The following ARMC9 variants were observed in gnomAD, a reference collection of about 807,000 sequenced individuals.
ARMC9 encodes the protein lisH domain-containing protein ARMC9.
Under a neutral mutation model 107.0 loss-of-function variants are expected in ARMC9, and 94 were observed. The observed-to-expected ratio is 0.88, with a 90% CI of 0.74 to 1.04. The LOEUF is 1.04. Ranked by LOEUF, ARMC9 falls within the 50% of genes least tolerant of loss-of-function variation. The pLI is 0.00. For synonymous variants in ARMC9, 380 were observed against 396.9 expected (o/e 0.96, Z 0.51); for missense variants, 942 against 1,030.1 (o/e 0.91, Z 1.17).
In ARMC9 at chr2:231,232,128, C is replaced by T. The variant is rs190058254; in HGVS notation, c.623-3096C>T. 6.1e-3 allele frequency among the ~76,000 whole-genome samples: 914 copies of T among 149,480 alleles called. 18 individuals carry two copies. The highest frequency in any genetic ancestry group is 0.022 in the African/African-American group (876 of 40,530). ...ACAACCTCCACCTCCCTGGTTCAAG[C>T]GATTCTGCTGCCTCAGCCTCCTGAG... On this transcript the variant is annotated intron_variant, in intron 7 of 24. Transcript: ENST00000611582.
At chr2:231,315,221 A>G (rs2042594731) in intron 19 of ARMC9, among the ~76,000 whole-genome samples, 1 of 145,594 alleles carries the variant, frequency 6.9e-6, no homozygotes, top group South Asian at 2.2e-4. Flanking sequence ...CCTGGGTGAC[A>G]GAGCAAGACT....
intron 9 of ARMC9, among the ~76,000 whole-genome samples, chr2:231,245,487 T>C (rs2036675478): frequency 6.6e-6 from 1 of 152,076 alleles, no homozygotes; most frequent in East Asian, 1.9e-4. Flanking sequence ...AGTGTTAGGG[T>C]TAGGGCTAGC....
intron 19 of ARMC9, among the ~76,000 whole-genome samples, chr2:231,316,393 G>A (rs561486685): frequency 1.1e-4 from 16 of 152,064 alleles, no homozygotes; most frequent in Admixed American, 3.3e-4. Flanking sequence ...GGGCGCAGTG[G>A]TTCATGCCTG....
rs1318821802 is a variant in ARMC9 at position 231,374,260 on chromosome 2, G to A, written c.*2725G>A. The A allele has an allele frequency of 6.6e-6, 1 of 152,142 alleles. No individual in the cohort carries two copies. Among genetic ancestry groups the A allele is most frequent in the East Asian group, 1.9e-4 (1 of 5,198 alleles). The allele number at this position is 152,142 out of a possible 1,614,324, so 9.4% of individuals were successfully genotyped here. On this transcript the variant is annotated 3_prime_UTR_variant, in exon 25 of 25. Coordinates refer to ENST00000611582, the MANE Select transcript of ARMC9 (RefSeq NM_001352754.2). ...AAAACTACCAAGGAAGCCACAGAGA[G>A]GGATCTTTGGACCTTCTGGAAAATG...
intron 15 of ARMC9, among the ~76,000 whole-genome samples, chr2:231,278,098 T>C (rs188372630): frequency 1.6e-3 from 243 of 152,300 alleles, no homozygotes; most frequent in African/African-American, 5.4e-3. Flanking sequence ...CTTGGGATGG[T>C]TTACTGAGCA....
At chr2:231,237,780 T>TG (rs2035898395) in intron 8 of ARMC9, among the ~76,000 whole-genome samples, 1 of 42,772 alleles carries the variant, frequency 2.3e-5, no homozygotes, top group Non-Finnish European at 4.4e-5. Context: ...TATATATATA[T>TG]ATTTTTTTTT....
rs200002827 is a variant in ARMC9, at chr2:231,299,783, GT to G, written c.1773+3534del. 8.0e-3 allele frequency among the ~76,000 whole-genome samples: 1,211 copies of G among 152,168 alleles called. 25 individuals carry two copies. The highest frequency in any genetic ancestry group is 0.027 in the African/African-American group (1,123 of 41,514). The stretch of plus-strand genomic sequence containing the variant: ...ACAGGATGGCATTGAAAATATGGGT[GT>G]TTTCATTGTTTTCTAAACCACTTAT... On this transcript the variant is annotated intron_variant, in intron 19 of 24. Transcript: ENST00000611582.
chr2:231,244,806 C>G (rs1559343870), intron 9 of ARMC9, among the ~76,000 whole-genome samples: 1 of 152,242 alleles, frequency 6.6e-6, no homozygotes, highest in Non-Finnish European at 1.5e-5. Flanking sequence ...ATGAGGGCGG[C>G]ATGGAGGAGC....
chr2:231,356,530 T>G (rs530387169), intron 22 of ARMC9, among the ~76,000 whole-genome samples: 1 of 152,292 alleles, frequency 6.6e-6, no homozygotes, highest in East Asian at 1.9e-4. Flanking sequence ...AGACTCTAAT[T>G]TCCATTTGAG....
At chr2:231,239,909 G>A in intron 8 of ARMC9, 34 bp from the exon 9 acceptor site, 2 of 1,582,430 alleles carry the variant, frequency 1.3e-6, no homozygotes, top group Non-Finnish European at 8.7e-7. Context: ...TGAGTTTCAT[G>A]CCATCACCAG....
At chr2:231,247,190 C>T (rs1003291767) in intron 9 of ARMC9, among the ~76,000 whole-genome samples, 7 of 152,150 alleles carry the variant, frequency 4.6e-5, no homozygotes, top group Admixed American at 1.3e-4. Context: ...CTCTTGACCT[C>T]GTGATCCACC....
At position 231,291,348 on chromosome 2, in the gene ARMC9, T is replaced by G; in HGVS notation, c.1627-5T>G. The G allele has an allele frequency of 6.2e-7, 1 of 1,612,202 alleles. No individual in the cohort carries two copies. Among genetic ancestry groups the G allele is most frequent in the Non-Finnish European group, 8.5e-7 (1 of 1,178,654 alleles). ...GTTAACTATTACTTTCGCCAATACT[T>G]CTAGGGAATGGAAGACATCCTACGC... On this transcript the variant is annotated splice_polypyrimidine_tract_variant and splice_region_variant and intron_variant, in intron 17 of 24. Coordinates refer to ENST00000611582, the MANE Select transcript of ARMC9 (RefSeq NM_001352754.2).
intron 17 of ARMC9, among the ~76,000 whole-genome samples, chr2:231,290,341 T>A (rs1175504186): frequency 6.6e-6 from 1 of 152,228 alleles, no homozygotes; most frequent in Non-Finnish European, 1.5e-5. Context: ...ATTTCTTTAA[T>A]TCAGTTAGAG....
At chr2:231,237,755 A>ATG (rs2035861930) in intron 8 of ARMC9, among the ~76,000 whole-genome samples, 1 of 22,046 alleles carries the variant, frequency 4.5e-5, no homozygotes, top group Non-Finnish European at 8.4e-5. Flanking sequence ...GGCTATATGT[A>ATG]TATATATATA....
rs1348324268 is a variant in ARMC9, at chr2:231,376,312, T to C, written c.*4777T>C. On this transcript the variant is annotated 3_prime_UTR_variant, in exon 25 of 25. Coordinates refer to ENST00000611582, the MANE Select transcript of ARMC9 (RefSeq NM_001352754.2). ...GTCGGGCGGAACAGAGCCATATTTC[T>C]CTTCTTTCAAAAGCAAATGGGAGAA... Among the ~76,000 whole-genome samples the C allele has an allele frequency of 6.6e-6, 1 of 152,178 alleles. No individual in the cohort carries two copies. The highest frequency in any genetic ancestry group is 1.5e-5 in the Non-Finnish European group (1 of 68,032).
chr2:231,208,237 A>G lies in ARMC9; in HGVS notation c.162A>G (p.Lys54=). The part of the protein sequence containing the change: ...KTVGGSFRDS[K]SLTIQKDLVA... ...TAGGCGGATCTTTCAGAGACTCCAA[A>G]TCATTGACAATTCAGGTAACATTTT... The change falls in exon 3 of 25, where the codon AAA becomes AAG. Residue 54 remains lysine (K), a synonymous_variant. Coordinates refer to ENST00000611582, the MANE Select transcript of ARMC9 (RefSeq NM_001352754.2). 6.2e-7 allele frequency: 1 copy of G among 1,607,770 alleles called. No individual in the cohort carries two copies. Among genetic ancestry groups the G allele is most frequent in the South Asian group, 1.1e-5 (1 of 89,716 alleles).
intron 18 of ARMC9, chr2:231,295,441 G>A (rs2041291258): frequency 6.6e-6 from 1 of 152,514 alleles, no homozygotes; most frequent in Non-Finnish European, 1.5e-5. Flanking sequence ...TCGTGGAGGA[G>A]AAAGTACCAA....
chr2:231,332,808 A>G (rs2043831717), intron 20 of ARMC9, among the ~76,000 whole-genome samples: 1 of 152,168 alleles, frequency 6.6e-6, no homozygotes, highest in African/African-American at 2.4e-5. Context: ...ACAGCTGAGC[A>G]CATAGGGTAG....
chr2:231,229,791 T>A (rs2035034309), intron 7 of ARMC9, among the ~76,000 whole-genome samples: 1 of 152,194 alleles, frequency 6.6e-6, no homozygotes, highest in Admixed American at 6.6e-5. Flanking sequence ...TAATTTTAGC[T>A]TTTCATAGTG....
Sources: allele counts gnomAD v4.1 joint callset (sites outside exome capture counted in the v4.1 genomes callset), GRCh38; gene constraint gnomAD v4.1.1; transcripts MANE v1.5; gene names NCBI Gene and HGNC (gene_info 2026-07-23, HGNC 2026-07-21).